Variants in MCCC1 observed in about 807,000 individuals in gnomAD.
The protein encoded by MCCC1 is methylcrotonyl-CoA carboxylase subunit 1, also known as methylcrotonoyl-CoA carboxylase subunit alpha, mitochondrial.
Under a neutral mutation model 83.8 loss-of-function variants are expected in MCCC1, and 64 were observed. The ratio of observed to expected loss-of-function variants is 0.76; its 90% CI spans 0.62 to 0.94. The LOEUF (loss-of-function observed/expected upper bound fraction) is 0.94, where lower values mean the gene tolerates loss of function less well. Among genes scored for constraint, MCCC1 ranks in the 40% least tolerant of loss-of-function variants. MCCC1 has a pLI of 0.00. For synonymous variants in MCCC1, 322 were observed against 315.4 expected (o/e 1.02, Z -0.22); for missense variants, 807 against 904.7 (o/e 0.89, Z 1.39).
chr3:183,017,472 T>A, intron 17 of MCCC1, 135 bp from the exon 18 acceptor site: 1 of 804,124 alleles, frequency 1.2e-6, no homozygotes, highest in Non-Finnish European at 2.1e-6. Context: ...ATATAAACAA[T>A]AAAACATAAA....
chr3:183,053,081 A>T (rs1478387568), intron 8 of MCCC1, among the ~76,000 whole-genome samples: 1 of 152,188 alleles, frequency 6.6e-6, no homozygotes, highest in African/African-American at 2.4e-5. Flanking sequence ...TTGGGACAAG[A>T]TGTGGAGAAA....
At chr3:183,043,935 A>C (rs1358674393) in intron 10 of MCCC1, among the ~76,000 whole-genome samples, 1 of 152,180 alleles carries the variant, frequency 6.6e-6, no homozygotes, top group Non-Finnish European at 1.5e-5. Context: ...AGAAGTTTCC[A>C]AAGCCACTAC....
At chr3:183,072,305 T>C in intron 5 of MCCC1, 61 bp downstream of exon 5, 1 of 1,597,524 alleles carries the variant, frequency 6.3e-7, no homozygotes, top group Non-Finnish European at 8.6e-7. Context: ...GCCACATGCC[T>C]GGCCCAAACT....
intron 7 of MCCC1, among the ~76,000 whole-genome samples, chr3:183,067,967 T>A (rs1716379049): frequency 6.6e-6 from 1 of 152,188 alleles, no homozygotes; most frequent in Non-Finnish European, 1.5e-5. Context: ...AACATACCGA[T>A]GCTTTCTAAC....
chr3:183,100,117 A>C (rs1368452597), upstream of MCCC1, among the ~76,000 whole-genome samples: 1 of 152,176 alleles, frequency 6.6e-6, no homozygotes, highest in Non-Finnish European at 1.5e-5. Flanking sequence ...GGACTAATAA[A>C]CCCACAGGTT....
chr3:183,034,260 C>T (rs1258762277), intron 13 of MCCC1, among the ~76,000 whole-genome samples, 183 bp from the exon 14 acceptor site: 2 of 152,042 alleles, frequency 1.3e-5, no homozygotes, highest in Non-Finnish European at 2.9e-5. Flanking sequence ...ACCATCCTAG[C>T]TAACACGGTG....
chr3:183,081,718 T>G (rs891428098), intron 4 of MCCC1, among the ~76,000 whole-genome samples: 1 of 152,248 alleles, frequency 6.6e-6, no homozygotes, highest in African/African-American at 2.4e-5. Flanking sequence ...TAAGCTCATA[T>G]GCCACTATTG....
chr3:183,025,660 A>G, intron 15 of MCCC1, 95 bp downstream of exon 15: 1 of 1,148,860 alleles, frequency 8.7e-7, no homozygotes, highest in Non-Finnish European at 1.3e-6. Context: ...ATAATAGTCA[A>G]AGGCTTAAGG....
rs994845243 is a variant in MCCC1, at chr3:183,088,989, T to C, written c.274-2201A>G. 2.6e-5 allele frequency among the ~76,000 whole-genome samples: 4 copies of C among 152,318 alleles called. No homozygotes were observed. The South Asian group carries it at 8.3e-4, about 32-fold the overall frequency. ...TGTACACGCTTCTCTTAGCACAATA[T>C]ATGTGAGCACGTCTGTGGGACAGAA... On this transcript the variant is annotated intron_variant, in intron 3 of 18. Transcript: ENST00000265594.
intron 4 of MCCC1, among the ~76,000 whole-genome samples, chr3:183,084,910 A>G (rs1401226405): frequency 1.3e-5 from 2 of 152,166 alleles, no homozygotes; most frequent in African/African-American, 4.8e-5. Context: ...AAATAAAAAC[A>G]AATTGAGGAC....
At chr3:183,045,639 A>G in intron 9 of MCCC1, 99 bp from the exon 10 acceptor site, 1 of 1,234,236 alleles carries the variant, frequency 8.1e-7, no homozygotes, top group Non-Finnish European at 1.2e-6. Context: ...CGCTGTCTTC[A>G]TTCAATGGTA....
At chr3:183,052,007 A>G in intron 9 of MCCC1, 152 bp downstream of exon 9, 8 of 691,318 alleles carry the variant, frequency 1.2e-5, no homozygotes, top group Non-Finnish European at 2.1e-5. Flanking sequence ...TTATGTGTAC[A>G]TACTAAGTCT....
At chr3:183,015,692 G>A in intron 18 of MCCC1, 126 bp from the exon 19 acceptor site, 1 of 1,141,314 alleles carries the variant, frequency 8.8e-7, no homozygotes, top group Non-Finnish European at 1.3e-6. Flanking sequence ...TCATCTCTCG[G>A]TGCTTTCCAA....
At chr3:183,073,069 A>G (rs1043700262) in intron 4 of MCCC1, among the ~76,000 whole-genome samples, 2 of 152,174 alleles carry the variant, frequency 1.3e-5, no homozygotes, top group East Asian at 3.8e-4. Context: ...TTGTTTATCC[A>G]TTAATCTCTT....
chr3:183,099,126 G>A (rs1718957634), intron 1 of MCCC1: 3 of 602,848 alleles, frequency 5.0e-6, no homozygotes, highest in East Asian at 2.8e-5. Context: ...AGCCAAAGGC[G>A]CGCTGAAGCG....
At chr3:183,099,674 T>G (rs1241071500), upstream of MCCC1, 10 of 601,204 alleles carry the variant, frequency 1.7e-5, no homozygotes, top group Non-Finnish European at 2.9e-5. Flanking sequence ...CTCGTGGGGG[T>G]GTGGCCTTTG....
At position 183,109,719 on chromosome 3, in the gene MCCC1, A is replaced by AGT. The variant is rs1024194941; in HGVS notation, c.-102+5753_-102+5754dup. Among the ~76,000 whole-genome samples, 3 of 152,228 alleles carry AGT rather than the reference A, an allele frequency of 2.0e-5. No individual in the cohort carries two copies. The South Asian group carries it at 6.2e-4, about 32-fold the overall frequency. ...TGAATGGTGCTGTGATGAACATATG[A>AGT]GTGTGTGTGTCTCTTTGGTAGAATG... On this transcript the variant is annotated intron_variant, in intron 1 of 17. Transcript: ENST00000492597.
At chr3:183,075,156 G>C (rs1716974982) in intron 4 of MCCC1, among the ~76,000 whole-genome samples, 1 of 152,152 alleles carries the variant, frequency 6.6e-6, no homozygotes, top group Non-Finnish European at 1.5e-5. Flanking sequence ...CTTTGCTATT[G>C]TGAATGATGC....
chr3:183,038,090 C>T (rs965841371), intron 12 of MCCC1, among the ~76,000 whole-genome samples: 1 of 152,182 alleles, frequency 6.6e-6, no homozygotes, highest in African/African-American at 2.4e-5. Flanking sequence ...GGCTCTGATC[C>T]AGGCACTGGG....
Sources: gnomAD v4.1 joint callset for allele counts (sites outside exome capture counted in the v4.1 genomes callset) on GRCh38, gnomAD v4.1.1 for gene constraint, MANE v1.5 for transcripts, NCBI Gene and HGNC (gene_info 2026-07-23, HGNC 2026-07-21) for gene names.